Variants in ZNF704 observed in about 807,000 individuals in gnomAD.
ZNF704 encodes glucocorticoid induced gene 1.
Under a neutral mutation model 44.7 loss-of-function variants are expected in ZNF704, and 10 were observed. The ratio of observed to expected loss-of-function variants is 0.22; its 90% CI spans 0.14 to 0.38. The LOEUF (loss-of-function observed/expected upper bound fraction) is 0.38. Among genes scored for constraint, ZNF704 ranks in the 10% least tolerant of loss-of-function variants. The pLI is 1.00. For missense variants in ZNF704, 390 were observed against 545.5 expected, an observed-to-expected ratio of 0.71 and a Z score of 2.84; for synonymous variants, 211 against 207.6, an observed-to-expected ratio of 1.02 and a Z score of -0.14.
chr8:80,644,899 G>A (rs1038273952), intron 7 of ZNF704: 5 of 878,950 alleles, frequency 5.7e-6, no homozygotes, highest in East Asian at 2.4e-5. Context: ...GGACAGCTGT[G>A]TAAAGCTTGA....
intron 4 of ZNF704, among the ~76,000 whole-genome samples, chr8:80,683,463 T>C (rs984259788): frequency 3.3e-5 from 5 of 152,204 alleles, no homozygotes; most frequent in Non-Finnish European, 5.9e-5. Context: ...CCCTGCCACA[T>C]AGCTGTAGCT....
chr8:80,678,260 A>G (rs1001257794), intron 4 of ZNF704, among the ~76,000 whole-genome samples: 4 of 149,146 alleles, frequency 2.7e-5, no homozygotes, highest in African/African-American at 1.0e-4. Flanking sequence ...ATAATTACAT[A>G]TAGTGGGAAG....
intron 2 of ZNF704, among the ~76,000 whole-genome samples, chr8:80,778,925 T>C (rs1395511480): frequency 6.6e-6 from 1 of 152,050 alleles, no homozygotes; most frequent in Admixed American, 6.5e-5. Context: ...AGTACCTAGG[T>C]GACAAAATAA....
chr8:80,776,651 TTC>T (rs1158854497), intron 2 of ZNF704: 2 of 152,228 alleles, frequency 1.3e-5, no homozygotes, highest in Non-Finnish European at 2.9e-5. Context: ...TCTTTTCTTT[TTC>T]TGATTATTTT....
intron 1 of ZNF704, among the ~76,000 whole-genome samples, chr8:80,828,287 C>T (rs1318080431): frequency 1.3e-5 from 2 of 152,032 alleles, no homozygotes; most frequent in Admixed American, 6.6e-5. Flanking sequence ...TGGTGGGAGA[C>T]AAATATAAAA....
chr8:80,787,574 A>C (rs916620518), intron 2 of ZNF704, among the ~76,000 whole-genome samples: 1 of 152,208 alleles, frequency 6.6e-6, no homozygotes, highest in Non-Finnish European at 1.5e-5. Context: ...TGAAAAAAAT[A>C]TATTTCAGCT....
rs571661249 is a variant in ZNF704 at position 80,813,636 on chromosome 8, G to A, written c.221+7738C>T. Among the ~76,000 whole-genome samples, 5 of 152,268 alleles carry A rather than the reference G, an allele frequency of 3.3e-5. No individual in the cohort carries two copies. In the East Asian group the frequency reaches 9.7e-4, roughly 29 times the overall value. ...CTCATGCCTGTAATCCCAGCACTTTGGGAGGCCGAGGCGGGCAGATCATGA... is the reference window on the plus strand; with the variant it reads ...CTCATGCCTGTAATCCCAGCACTTTAGGAGGCCGAGGCGGGCAGATCATGA... On this transcript the variant is annotated intron_variant, in intron 2 of 8. Coordinates refer to ENST00000327835, the MANE Select transcript of ZNF704 (RefSeq NM_001033723.3).
At chr8:80,819,234 G>A (rs1035673561) in intron 2 of ZNF704, among the ~76,000 whole-genome samples, 3 of 152,052 alleles carry the variant, frequency 2.0e-5, no homozygotes, top group East Asian at 3.9e-4. Flanking sequence ...TAACACTGGC[G>A]TGGGATCATG....
intron 1 of ZNF704, among the ~76,000 whole-genome samples, chr8:80,849,091 G>C (rs550083545): frequency 6.6e-6 from 1 of 152,180 alleles, no homozygotes; most frequent in African/African-American, 2.4e-5. Context: ...ATTAAGGGAA[G>C]AGGTGAGTAG....
At position 80,685,750 on chromosome 8, in the gene ZNF704, A is replaced by G. The variant is rs116458282; in HGVS notation, c.558+1476T>C. On this transcript the variant is annotated intron_variant, in intron 4 of 8. Transcript: ENST00000327835. ...AAAAATGTCAGCCTTTTTCACATGT[A>G]CACACTCAGAGAGAGTGCCCATATC... Among the ~76,000 whole-genome samples the G allele has an allele frequency of 5.8e-3, 888 of 152,354 alleles. 9 individuals carry two copies. Among genetic ancestry groups the G allele is most frequent in the African/African-American group, 0.021 (855 of 41,582 alleles).
chr8:80,809,433 G>A (rs1482677422), intron 2 of ZNF704, among the ~76,000 whole-genome samples: 5 of 152,152 alleles, frequency 3.3e-5, no homozygotes, highest in African/African-American at 7.2e-5. Flanking sequence ...GCAACGTTAC[G>A]CAAATCTATT....
At chr8:80,711,237 G>A (rs546158567) in intron 2 of ZNF704, among the ~76,000 whole-genome samples, 1 of 152,328 alleles carries the variant, frequency 6.6e-6, no homozygotes, top group East Asian at 1.9e-4. Context: ...CTCTAGCTAA[G>A]CAGTCATAGG....
At chr8:80,642,524 A>G (rs1309580315) in intron 8 of ZNF704, among the ~76,000 whole-genome samples, 1 of 152,250 alleles carries the variant, frequency 6.6e-6, no homozygotes, top group Non-Finnish European at 1.5e-5. Context: ...ACGAAATTTC[A>G]TCACACTACT....
intron 2 of ZNF704, among the ~76,000 whole-genome samples, chr8:80,801,958 A>G (rs1428534649): frequency 6.6e-6 from 1 of 152,078 alleles, no homozygotes; most frequent in African/African-American, 2.4e-5. Context: ...ATAGAGACAA[A>G]TCAAATAAAC....
At chr8:80,811,871 G>A (rs1808088761) in intron 2 of ZNF704, among the ~76,000 whole-genome samples, 1 of 152,208 alleles carries the variant, frequency 6.6e-6, no homozygotes, top group Non-Finnish European at 1.5e-5. Flanking sequence ...TACCACCTGA[G>A]TTCTGCCTCC....
At chr8:80,697,801 G>T (rs916626105) in intron 2 of ZNF704, among the ~76,000 whole-genome samples, 1 of 152,208 alleles carries the variant, frequency 6.6e-6, no homozygotes, top group Non-Finnish European at 1.5e-5. Flanking sequence ...CTCCGTGAGG[G>T]AGGAGAGCAT....
chr8:80,643,091 C>T lies in ZNF704; in HGVS notation c.1071G>A (p.Gln357=). Residue 357 remains glutamine, a synonymous_variant, in exon 8 of 9, where the codon CAG becomes CAA. Coordinates refer to ENST00000327835, the MANE Select transcript of ZNF704 (RefSeq NM_001033723.3). Reference sequence around the variant, plus strand: ...ACAGGACCGTGTGCGCATGCTGTCTCTGCTCTCCTGTGCCCACCGGATGAT... The same window carrying T: ...ACAGGACCGTGTGCGCATGCTGTCTTTGCTCTCCTGTGCCCACCGGATGAT... ...PTHHPVGTGE[Q]RQHAHTVLSS... is the part of the protein sequence containing the mutation. 2 of 1,606,540 alleles carry T rather than the reference C, an allele frequency of 1.2e-6. No homozygotes were observed. Among genetic ancestry groups the T allele is most frequent in the Non-Finnish European group, 1.7e-6 (2 of 1,176,540 alleles).
intron 7 of ZNF704, among the ~76,000 whole-genome samples, chr8:80,651,786 G>A (rs529149491): frequency 1.3e-5 from 2 of 152,234 alleles, no homozygotes; most frequent in Non-Finnish European, 2.9e-5. Context: ...AGGATATCCA[G>A]GAACTGAACT....
At chr8:80,642,941 T>C (rs1817767918) in intron 8 of ZNF704, 94 bp downstream of exon 8, 1 of 815,524 alleles carries the variant, frequency 1.2e-6, no homozygotes, top group East Asian at 3.2e-5. Context: ...GGAGAAATTT[T>C]ATAGAAGATC....
Sources: gnomAD v4.1 joint callset for allele counts (sites outside exome capture counted in the v4.1 genomes callset) on GRCh38, gnomAD v4.1.1 for gene constraint, MANE v1.5 for transcripts, NCBI Gene and HGNC (gene_info 2026-07-23, HGNC 2026-07-21) for gene names.